The following L2HGDH variants were observed in gnomAD, a reference collection of about 807,000 sequenced individuals.
The protein encoded by L2HGDH is L-2-hydroxyglutarate dehydrogenase, mitochondrial.
A neutral mutation model predicts 51.5 loss-of-function variants in L2HGDH; 34 were observed. The ratio of observed to expected loss-of-function variants is 0.66; its 90% CI spans 0.50 to 0.88. The LOEUF is 0.88. Ranked by LOEUF, L2HGDH falls within the 40% of genes least tolerant of loss-of-function variation. L2HGDH has a pLI of 0.00. For synonymous variants in L2HGDH, 198 were observed against 197.9 expected (o/e 1.00, Z -0.01); for missense variants, 558 against 571.9 (o/e 0.98, Z 0.25).
Position 50,306,345 on chromosome 14 carries a change from A to C in L2HGDH, c.141-3328T>G, listed in dbSNP as rs188680788. On this transcript the variant is annotated intron_variant, in intron 1 of 9. Coordinates refer to ENST00000267436, the MANE Select transcript of L2HGDH (RefSeq NM_024884.3). ...ATTACAGGTGTGAACCACCGTGCCC[A>C]GCTGTATTTTTTTAATTTATCAAGT... Among the ~76,000 whole-genome samples, 302 of 152,006 alleles carry C rather than the reference A, an allele frequency of 2.0e-3. 1 individual carries two copies. The highest frequency in any genetic ancestry group is 6.4e-3 in the African/African-American group (267 of 41,492).
At position 50,245,486 on chromosome 14, in the gene L2HGDH, T is replaced by C; in HGVS notation, c.*1572A>G. ...GGAAATAATAAAGGCTTTGAGTTTG[T>C]TTTGTTATTTCCTACAAATATTATA... On this transcript the variant is annotated 3_prime_UTR_variant, in exon 10 of 10. Coordinates refer to ENST00000267436, the MANE Select transcript of L2HGDH (RefSeq NM_024884.3). 1.0e-6 allele frequency: 1 copy of C among 981,898 alleles called. No homozygotes were observed. The highest frequency in any genetic ancestry group is 1.1e-4 in the East Asian group (1 of 8,810). 60.8% of individuals were successfully genotyped at this position (981,898 alleles called of 1,614,324 possible). A position where few individuals can be genotyped will look rare whatever the true frequency, so the allele number is the denominator to read the frequency against.
intron 8 of L2HGDH, among the ~76,000 whole-genome samples, chr14:50,267,177 A>T (rs1030241920): frequency 7.0e-6 from 1 of 142,380 alleles, no homozygotes; most frequent in African/African-American, 2.9e-5. Flanking sequence ...TTATTTATTT[A>T]TTTATTTATT....
chr14:50,291,197 CAAAAAAAAAAAAAAA>C (rs1159640500), intron 4 of L2HGDH, among the ~76,000 whole-genome samples: 2 of 30,644 alleles, frequency 6.5e-5, no homozygotes, highest in Admixed American at 4.8e-4. Flanking sequence ...GACTCCGTCT[CAAAAAAAAAAAAAAA>C]AAAAAAAAAA....
intron 5 of L2HGDH, among the ~76,000 whole-genome samples, chr14:50,281,395 C>T (rs1256015743): frequency 2.0e-5 from 3 of 152,028 alleles, no homozygotes; most frequent in South Asian, 2.1e-4. Context: ...GCGTTTAAGA[C>T]CAGCCTGGCC....
At chr14:50,256,542 C>G in intron 9 of L2HGDH, among the ~76,000 whole-genome samples, 1 of 151,700 alleles carries the variant, frequency 6.6e-6, no homozygotes. Context: ...AAATTAAAAG[C>G]ATTTTTCTAG....
At chr14:50,281,358 T>C (rs551297067) in intron 5 of L2HGDH, among the ~76,000 whole-genome samples, 3 of 152,232 alleles carry the variant, frequency 2.0e-5, no homozygotes, top group African/African-American at 7.2e-5. Flanking sequence ...TTTGGGAGGC[T>C]GAGGCAGGAA....
intron 6 of L2HGDH, among the ~76,000 whole-genome samples, chr14:50,277,666 G>A (rs368461224): frequency 1.3e-5 from 2 of 151,586 alleles, no homozygotes; most frequent in African/African-American, 4.8e-5. Context: ...CCAGCTACTC[G>A]GGAGGCTGAG....
intron 4 of L2HGDH, among the ~76,000 whole-genome samples, chr14:50,289,173 T>C (rs1412858876): frequency 6.6e-6 from 1 of 152,164 alleles, no homozygotes; most frequent in Non-Finnish European, 1.5e-5. Flanking sequence ...ATAACATCAG[T>C]CTAAACAACC....
chr14:50,246,776 C>T lies in L2HGDH; in HGVS notation c.*282G>A. On this transcript the variant is annotated 3_prime_UTR_variant, in exon 10 of 10. Coordinates refer to ENST00000267436, the MANE Select transcript of L2HGDH (RefSeq NM_024884.3). The stretch of plus-strand genomic sequence containing the variant: ...TTGCTCTGTCACCCAGGCTGGAGTG[C>T]AGTGGTGCAATCTCAGCTCTCAGCT... 1 of 320,600 alleles carries T rather than the reference C, an allele frequency of 3.1e-6. No individual in the cohort carries two copies. Among genetic ancestry groups the T allele is most frequent in the Non-Finnish European group, 5.7e-6 (1 of 174,436 alleles). The allele number at this position is 320,600 out of a possible 1,614,324, so 19.9% of individuals were successfully genotyped here.
At chr14:50,248,835 C>T (rs555742004) in intron 9 of L2HGDH, among the ~76,000 whole-genome samples, 2 of 152,262 alleles carry the variant, frequency 1.3e-5, no homozygotes, top group Admixed American at 6.5e-5. Flanking sequence ...TCACAAGAAC[C>T]AAAAATCAGG....
At chr14:50,272,176 T>C (rs764754805) in intron 6 of L2HGDH, among the ~76,000 whole-genome samples, 6 of 152,146 alleles carry the variant, frequency 3.9e-5, no homozygotes, top group Non-Finnish European at 7.3e-5. Flanking sequence ...CATAAAACTA[T>C]TTCAACCTGG....
At position 50,243,721 on chromosome 14, in the gene L2HGDH, G is replaced by A. The variant is rs941551207; in HGVS notation, c.*3337C>T. The A allele has an allele frequency of 5.6e-6, 1 of 178,314 alleles. No homozygotes were observed. The highest frequency in any genetic ancestry group is 2.4e-5 in the African/African-American group (1 of 41,530). 11.0% of individuals were successfully genotyped at this position (178,314 alleles called of 1,614,324 possible). A position where few individuals can be genotyped will look rare whatever the true frequency, so the allele number is the denominator to read the frequency against. ...TTATACTTTAAGTTTTAGGGTACATGTGCACAATGTGCAGGTTAGTTACAT... is the reference window on the plus strand; with the variant it reads ...TTATACTTTAAGTTTTAGGGTACATATGCACAATGTGCAGGTTAGTTACAT... On this transcript the variant is annotated 3_prime_UTR_variant, in exon 10 of 10. Transcript: ENST00000267436.
At chr14:50,254,623 G>GT in intron 9 of L2HGDH, among the ~76,000 whole-genome samples, 1 of 152,000 alleles carries the variant, frequency 6.6e-6, no homozygotes, top group Non-Finnish European at 1.5e-5. Context: ...GGTTAAAATT[G>GT]ATTAACCACA....
intron 2 of L2HGDH, among the ~76,000 whole-genome samples, chr14:50,302,584 C>T (rs2030476515): frequency 6.6e-6 from 1 of 152,190 alleles, no homozygotes. Context: ...TCCTCAGAGG[C>T]TCCGGTGGAA....
At chr14:50,271,914 G>C (rs112521150) in intron 6 of L2HGDH, among the ~76,000 whole-genome samples, 5 of 152,300 alleles carry the variant, frequency 3.3e-5, no homozygotes, top group African/African-American at 1.2e-4. Flanking sequence ...GCTGAAGTGG[G>C]TGAATCACTT....
chr14:50,294,118 A>G lies in L2HGDH; in HGVS notation c.537T>C (p.Cys179=). ...CATCCCTTTGTTAATCACTTACCCT[A>G]CAATATGGCTCCTTCTTTTTTATAT... The part of the protein sequence containing the change: ...QEDIKKKEPY[C]RGLMAIDCPH... The change falls in exon 4 of 10, where the codon TGT becomes TGC. Residue 179 remains cysteine, a synonymous_variant. Coordinates refer to ENST00000267436, the MANE Select transcript of L2HGDH (RefSeq NM_024884.3). 1.9e-6 allele frequency: 3 copies of G among 1,613,928 alleles called. No individual in the cohort carries two copies. Among genetic ancestry groups the G allele is most frequent in the South Asian group, 1.1e-5 (1 of 91,078 alleles).
In L2HGDH at chr14:50,312,173, T is replaced by A. The variant is rs768957165; in HGVS notation, c.-23A>T. ...CATCCCCTACGCACGCTCCCCTCCC[T>A]CAGCGCTCAGAAGAAGCCACTTGAC... On this transcript the variant is annotated 5_prime_UTR_variant, in exon 1 of 10. Transcript: ENST00000267436. 2 of 1,607,700 alleles carry A rather than the reference T, an allele frequency of 1.2e-6. No individual in the cohort carries two copies. The highest frequency in any genetic ancestry group is 2.2e-5 in the East Asian group (1 of 44,780).
At chr14:50,281,695 CCT>C (rs2139154648) in intron 5 of L2HGDH, among the ~76,000 whole-genome samples, 1 of 151,732 alleles carries the variant, frequency 6.6e-6, no homozygotes, top group East Asian at 1.9e-4. Context: ...GGTTCTTTGT[CCT>C]TTTTTCAGTC....
At chr14:50,297,958 A>T (rs1400813141) in intron 3 of L2HGDH, among the ~76,000 whole-genome samples, 1 of 152,010 alleles carries the variant, frequency 6.6e-6, no homozygotes, top group East Asian at 1.9e-4. Flanking sequence ...AAAACGAACA[A>T]CAACAACAAA....
Sources: allele counts gnomAD v4.1 joint callset (sites outside exome capture counted in the v4.1 genomes callset), GRCh38; gene constraint gnomAD v4.1.1; transcripts MANE v1.5; gene names NCBI Gene and HGNC (gene_info 2026-07-23, HGNC 2026-07-21).